The following WDR37 variants were observed in gnomAD, a reference collection of about 807,000 sequenced individuals.
WDR37 encodes the protein WD repeat-containing protein 37.
A neutral mutation model predicts 62.9 loss-of-function variants in WDR37; 19 were observed. The observed-to-expected ratio is 0.30, with a 90% CI of 0.21 to 0.44. The LOEUF (loss-of-function observed/expected upper bound fraction) is 0.44. Ranked by LOEUF, WDR37 falls within the 20% of genes least tolerant of loss-of-function variation. The probability of loss-of-function intolerance (pLI) is 1.00; values close to 1 mark genes in which losing one functional copy is unlikely to be tolerated. For missense variants in WDR37, 474 were observed against 657.6 expected (o/e 0.72, Z 3.05); for synonymous variants, 250 against 260.9 (o/e 0.96, Z 0.40).
intron 13 of WDR37, 138 bp downstream of exon 13, chr10:1,125,162 A>G (rs868048700): frequency 1.4e-5 from 20 of 1,399,908 alleles, no homozygotes; most frequent in Middle Eastern, 5.2e-4. Context: ...TAGAGTTCAT[A>G]AAATTTAAAA....
At chr10:1,077,829 A>G in intron 2 of WDR37, 78 bp from the exon 3 acceptor site, 1 of 1,045,640 alleles carries the variant, frequency 9.6e-7, no homozygotes, top group Non-Finnish European at 1.4e-6. Context: ...ATAAAAGATA[A>G]TTCACTTTGG....
intron 13 of WDR37, 63 bp downstream of exon 13, chr10:1,125,087 A>G (rs1376692790): frequency 6.4e-7 from 1 of 1,572,086 alleles, no homozygotes; most frequent in Admixed American, 1.9e-5. Context: ...GAGATATTTT[A>G]CATTCTCATT....
chr10:1,077,354 A>G (rs1223228199), intron 2 of WDR37, among the ~76,000 whole-genome samples: 3 of 152,190 alleles, frequency 2.0e-5, no homozygotes, highest in African/African-American at 2.4e-5. Flanking sequence ...CACTCAATTA[A>G]TAGACATTTG....
intron 5 of WDR37, 150 bp downstream of exon 5, chr10:1,080,626 C>T: frequency 1.1e-6 from 1 of 906,390 alleles, no homozygotes. Context: ...AATGTCCTGG[C>T]TGGGCATGGT....
At chr10:1,123,530 G>A (rs967088646) in intron 11 of WDR37, among the ~76,000 whole-genome samples, 4 of 152,142 alleles carry the variant, frequency 2.6e-5, no homozygotes, top group African/African-American at 9.7e-5. Context: ...GTCATAGCAC[G>A]TGTTAGAGTT....
Position 1,124,891 on chromosome 10 carries a change from T to A in WDR37, c.1239-19T>A. Reference sequence around the variant, plus strand: ...TGTCACTGTTTCATGCACAACCCACTTTTACCTCTTCTTTGCAGGATCAAT... The same window carrying A: ...TGTCACTGTTTCATGCACAACCCACATTTACCTCTTCTTTGCAGGATCAAT... On this transcript the variant is annotated intron_variant, in intron 12 of 13. Transcript: ENST00000263150. 2 of 1,613,650 alleles carry A rather than the reference T, an allele frequency of 1.2e-6. No individual in the cohort carries two copies. Among genetic ancestry groups the A allele is most frequent in the Non-Finnish European group, 1.7e-6 (2 of 1,179,816 alleles).
At chr10:1,067,225 T>C (rs1833581087) in intron 1 of WDR37, among the ~76,000 whole-genome samples, 1 of 152,156 alleles carries the variant, frequency 6.6e-6, no homozygotes, top group African/African-American at 2.4e-5. Context: ...GCTGGGATAA[T>C]TGGATACACA....
At chr10:1,099,040 A>G (rs1207172739) in intron 9 of WDR37, among the ~76,000 whole-genome samples, 1 of 152,214 alleles carries the variant, frequency 6.6e-6, no homozygotes, top group East Asian at 1.9e-4. Context: ...TATGACATCA[A>G]TTTTATGTGG....
At chr10:1,126,667 C>T (rs1030026914) in intron 13 of WDR37, among the ~76,000 whole-genome samples, 17 of 152,298 alleles carry the variant, frequency 1.1e-4, no homozygotes, top group East Asian at 5.8e-4. Flanking sequence ...GCTCGTGGGC[C>T]GCAGCTGCTC....
chr10:1,079,515 T>C (rs1414043392), intron 3 of WDR37, among the ~76,000 whole-genome samples: 1 of 151,944 alleles, frequency 6.6e-6, no homozygotes, highest in African/African-American at 2.4e-5. Context: ...ACTTTTGGAA[T>C]GGTATCTCTA....
chr10:1,089,304 C>T (rs1458559832), intron 7 of WDR37, among the ~76,000 whole-genome samples: 4 of 152,108 alleles, frequency 2.6e-5, no homozygotes, highest in African/African-American at 9.7e-5. Context: ...CTGGACTGCA[C>T]CCTCGCTCCG....
intron 1 of WDR37, among the ~76,000 whole-genome samples, chr10:1,070,813 G>A (rs550543290): frequency 1.4e-3 from 220 of 152,292 alleles, no homozygotes; most frequent in African/African-American, 4.9e-3. Context: ...TTAAAAAGAA[G>A]GGAACGCTAG....
intron 7 of WDR37, among the ~76,000 whole-genome samples, chr10:1,091,289 C>T (rs977803527): frequency 1.3e-5 from 2 of 152,194 alleles, no homozygotes; most frequent in African/African-American, 2.4e-5. Context: ...CAAAATTTCT[C>T]ATCGAAATTG....
At chr10:1,072,393 C>A (rs1833757143) in intron 2 of WDR37, 100 bp downstream of exon 2, 1 of 1,472,024 alleles carries the variant, frequency 6.8e-7, no homozygotes, top group Non-Finnish European at 9.3e-7. Context: ...TCTCCGCTCA[C>A]AACCTCCACC....
chr10:1,061,873 A>C (rs1342633673), intron 1 of WDR37, among the ~76,000 whole-genome samples: 1 of 151,942 alleles, frequency 6.6e-6, no homozygotes, highest in African/African-American at 2.4e-5. Context: ...GGCTACGTGC[A>C]TGAGGTATAC....
intron 3 of WDR37, among the ~76,000 whole-genome samples, chr10:1,078,846 A>G (rs1170600599): frequency 3.3e-5 from 5 of 152,190 alleles, no homozygotes; most frequent in Non-Finnish European, 7.3e-5. Flanking sequence ...ATGTAACTAC[A>G]ATCAAGTCTT....
At chr10:1,068,230 C>G (rs1833613789) in intron 1 of WDR37, among the ~76,000 whole-genome samples, 2 of 151,734 alleles carry the variant, frequency 1.3e-5, no homozygotes, top group Non-Finnish European at 2.9e-5. Context: ...GCCTGTAATC[C>G]CAGCACTTTG....
rs772975637 is a variant in WDR37 at position 1,080,392 on chromosome 10, G to T, written c.332-20G>T. On this transcript the variant is annotated intron_variant, in intron 4 of 13. Coordinates refer to ENST00000263150, the MANE Select transcript of WDR37 (RefSeq NM_014023.4). ...TTTGATTGTGTGATTGTGTTTGATT[G>T]TCACTCTCTGTCCCTGCAGCCAGTC... The T allele has an allele frequency of 1.2e-6, 2 of 1,613,996 alleles. No homozygotes were observed. The highest frequency in any genetic ancestry group is 3.3e-5 in the Admixed American group (2 of 59,980).
chr10:1,114,206 C>T lies in WDR37; in HGVS notation c.1103+8939C>T, dbSNP rs535785959. ...TGCTAACCTCAAATGATCCACCTGC[C>T]TTGGCCTCCCAAAGTGCTGGGATTA... On this transcript the variant is annotated intron_variant, in intron 11 of 13. Transcript: ENST00000263150. Among the ~76,000 whole-genome samples, 91 of 152,194 alleles carry T rather than the reference C, an allele frequency of 6.0e-4. 1 individual carries two copies. The highest frequency in any genetic ancestry group is 1.0e-3 in the Non-Finnish European group (70 of 68,038).
Sources: gnomAD v4.1 joint callset for allele counts (sites outside exome capture counted in the v4.1 genomes callset) on GRCh38, gnomAD v4.1.1 for gene constraint, MANE v1.5 for transcripts, NCBI Gene and HGNC (gene_info 2026-07-23, HGNC 2026-07-21) for gene names.